The following CEP97 variants were observed in gnomAD, a reference collection of about 807,000 sequenced individuals.
CEP97 encodes centrosomal protein 97.
A neutral mutation model predicts 73.1 loss-of-function variants in CEP97; 43 were observed. The ratio of observed to expected loss-of-function variants is 0.59; its 90% confidence interval spans 0.46 to 0.76. CEP97 has a LOEUF of 0.76. Ranked by LOEUF, CEP97 falls within the 30% of genes least tolerant of loss-of-function variation. The pLI is 0.00. For synonymous variants in CEP97, 337 were observed against 370.0 expected (o/e 0.91, Z 1.02); for missense variants, 939 against 1,014.0 (o/e 0.93, Z 1.00).
At position 101,758,173 on chromosome 3, in the gene CEP97, C is replaced by T. The variant is rs1939070875; in HGVS notation, c.1567C>T (p.Pro523Ser). The T allele has an allele frequency of 6.2e-7, 1 of 1,613,202 alleles. No homozygotes were observed. The highest frequency in any genetic ancestry group is 8.5e-7 in the Non-Finnish European group (1 of 1,179,878). The change falls in exon 9 of 11, where the codon CCA (proline) becomes TCA (serine). Residue 523 changes from proline to serine, a missense_variant. By Grantham distance (74) the Pro-to-Ser change is moderately conservative (BLOSUM62 -1). Transcript: ENST00000341893. ...CATAAAGAAACCAGAAAATACACAA[C>T]CAGAAAATAAAGAAACCATATCTCA... ...SDIKKPENTQ[P>S]ENKETISQAT...
chr3:101,726,191 A>C (rs1937882535), intron 1 of CEP97, among the ~76,000 whole-genome samples: 1 of 152,224 alleles, frequency 6.6e-6, no homozygotes, highest in Non-Finnish European at 1.5e-5. Flanking sequence ...TGATTTTCAA[A>C]ATCACAGTTT....
In CEP97 at chr3:101,768,969, C is replaced by T. The variant is rs1001910486; in HGVS notation, c.*3418C>T. 5 of 152,056 alleles carry T rather than the reference C, an allele frequency of 3.3e-5. No homozygotes were observed. Among genetic ancestry groups the T allele is most frequent in the Non-Finnish European group, 5.9e-5 (4 of 68,006 alleles). 9.4% of individuals were successfully genotyped at this position (152,056 alleles called of 1,614,324 possible). ...ATGTTCATTTATTTAGTCATATAAT[C>T]GTTTGTATATATGTAAATAACTTTA... On this transcript the variant is annotated 3_prime_UTR_variant, in exon 11 of 11. Coordinates refer to ENST00000341893, the MANE Select transcript of CEP97 (RefSeq NM_024548.4).
At chr3:101,738,077 C>T (rs1478236261) in intron 6 of CEP97, among the ~76,000 whole-genome samples, 1 of 133,450 alleles carries the variant, frequency 7.5e-6, no homozygotes, top group Non-Finnish European at 1.6e-5. Flanking sequence ...AGACTTTAAA[C>T]CAACATATAT....
rs1938064515 is a variant in CEP97, at chr3:101,730,283, T to C, written c.447+1346T>C. ...TTTGTTTTGTTTTGTTTTGTTTTGT[T>C]GAGACGGAGTTTTGCTCTGTTGCCC... On this transcript the variant is annotated intron_variant, in intron 4 of 10. Coordinates refer to ENST00000341893, the MANE Select transcript of CEP97 (RefSeq NM_024548.4). Among the ~76,000 whole-genome samples, 4 of 148,592 alleles carry C rather than the reference T, an allele frequency of 2.7e-5. No homozygotes were observed. The South Asian group carries it at 8.5e-4, about 31-fold the overall frequency.
rs1937819655 is a variant in CEP97 at position 101,724,712 on chromosome 3, C to T, written c.36C>T (p.Pro12=). The T allele has an allele frequency of 1.9e-6, 3 of 1,614,202 alleles. No individual in the cohort carries two copies. Among genetic ancestry groups the T allele is most frequent in the Non-Finnish European group, 2.5e-6 (3 of 1,180,018 alleles). The change falls in exon 1 of 11, where the codon CCC becomes CCT. Residue 12 remains proline, a synonymous_variant. Transcript: ENST00000341893. ...CGCGCGTGGACGCGGCTTTGCCTCCCGGAGAAGGTAAGGCGATCCCTACCC... is the reference window on the plus strand; with the variant it reads ...CGCGCGTGGACGCGGCTTTGCCTCCTGGAGAAGGTAAGGCGATCCCTACCC... The part of the protein sequence containing the change: ...AVARVDAALP[P]GEGSVVNWSG...
chr3:101,730,750 G>C (rs146422295), intron 4 of CEP97, among the ~76,000 whole-genome samples: 2 of 152,106 alleles, frequency 1.3e-5, no homozygotes, highest in Admixed American at 6.6e-5. Flanking sequence ...TGAAAAACAT[G>C]TAGAACATTT....
intron 6 of CEP97, among the ~76,000 whole-genome samples, chr3:101,741,488 G>A (rs1221098947): frequency 1.3e-5 from 2 of 152,104 alleles, no homozygotes; most frequent in Admixed American, 1.3e-4. Flanking sequence ...GCAACCTACA[G>A]AATGGGAGAA....
intron 6 of CEP97, among the ~76,000 whole-genome samples, chr3:101,735,280 C>T (rs1168210680): frequency 6.6e-6 from 1 of 152,174 alleles, no homozygotes; most frequent in Admixed American, 6.5e-5. Flanking sequence ...GAGCTTTCTC[C>T]ATAATGCTTT....
chr3:101,737,736 A>G (rs1000938534), intron 6 of CEP97, among the ~76,000 whole-genome samples: 5 of 152,242 alleles, frequency 3.3e-5, no homozygotes, highest in Non-Finnish European at 4.4e-5. Context: ...CTGCAAAAAC[A>G]TACCAAATTG....
chr3:101,738,700 T>C (rs1938357266), intron 6 of CEP97, among the ~76,000 whole-genome samples: 1 of 152,058 alleles, frequency 6.6e-6, no homozygotes. Context: ...TAGAGGGAAA[T>C]TTATAGCACC....
rs140751787 is a variant in CEP97, at chr3:101,768,841, T to A, written c.*3290T>A. ...ACAGATGTTAAAATGTTAACTCTCC[T>A]GGTGTGCAGAAAGCTGTAATCATGA... On this transcript the variant is annotated 3_prime_UTR_variant, in exon 11 of 11. Transcript: ENST00000341893. The A allele has an allele frequency of 6.6e-6, 1 of 152,356 alleles. No homozygotes were observed. Among genetic ancestry groups the A allele is most frequent in the East Asian group, 1.9e-4 (1 of 5,194 alleles). The allele number at this position is 152,356 out of a possible 1,614,324, so 9.4% of individuals were successfully genotyped here.
At chr3:101,751,591 G>A (rs959447314) in intron 6 of CEP97, among the ~76,000 whole-genome samples, 13 of 152,148 alleles carry the variant, frequency 8.5e-5, no homozygotes, top group Non-Finnish European at 1.6e-4. Context: ...ATGAATCTGG[G>A]TGCTCCTGTA....
At chr3:101,760,713 A>G (rs568414324) in intron 9 of CEP97, among the ~76,000 whole-genome samples, 85 of 151,822 alleles carry the variant, frequency 5.6e-4, no homozygotes, top group Non-Finnish European at 1.1e-3. Context: ...AGCTAATTAA[A>G]AAAAATTTTT....
intron 6 of CEP97, among the ~76,000 whole-genome samples, chr3:101,742,046 A>AG (rs1938474006): frequency 7.3e-6 from 1 of 137,842 alleles, no homozygotes; most frequent in Non-Finnish European, 1.6e-5. Flanking sequence ...CGTCTCAAAA[A>AG]AAAAAAAACA....
chr3:101,754,029 C>G (rs1576694941), intron 6 of CEP97, among the ~76,000 whole-genome samples: 1 of 141,034 alleles, frequency 7.1e-6, no homozygotes, highest in East Asian at 2.3e-4. Context: ...CGGAGCTGTT[C>G]CTATTTGGCC....
At chr3:101,756,179 C>T (rs1284796602) in intron 7 of CEP97, among the ~76,000 whole-genome samples, 2 of 150,910 alleles carry the variant, frequency 1.3e-5, no homozygotes, top group Admixed American at 1.3e-4. Flanking sequence ...CGGGTCTAAG[C>T]CTCCTGAGTA....
chr3:101,739,634 G>T (rs1202689448), intron 6 of CEP97, among the ~76,000 whole-genome samples: 2 of 152,020 alleles, frequency 1.3e-5, no homozygotes, highest in East Asian at 1.9e-4. Context: ...CTGGCGGGGC[G>T]CAGTGGCTCA....
chr3:101,732,504 C>A lies in CEP97; in HGVS notation c.578C>A (p.Ser193Tyr). 6.2e-7 allele frequency: 1 copy of A among 1,605,634 alleles called. No individual in the cohort carries two copies. Among genetic ancestry groups the A allele is most frequent in the Non-Finnish European group, 8.5e-7 (1 of 1,174,824 alleles). The stretch of plus-strand genomic sequence containing the variant: ...TTGTTCCAGATCTCTTTTTTGGCAT[C>A]CTTAACTGAATTGGAACAGTTGTCG... ...RDLNEISFLASLTELEQLSIM... is the reference protein window; with the variant it reads ...RDLNEISFLAYLTELEQLSIM... The change falls in exon 6 of 11, where the codon TCC becomes TAC. Residue 193 changes from serine (S) to tyrosine (Y), a missense_variant. By Grantham distance (144) the Ser-to-Tyr change is moderately radical (BLOSUM62 -2). Coordinates refer to ENST00000341893, the MANE Select transcript of CEP97 (RefSeq NM_024548.4).
chr3:101,736,314 A>T (rs1031441442), intron 6 of CEP97, among the ~76,000 whole-genome samples: 20 of 152,160 alleles, frequency 1.3e-4, no homozygotes, highest in Admixed American at 2.6e-4. Context: ...TCTGTAAGAG[A>T]GCGATGGATC....
Sources: gnomAD v4.1 joint callset for allele counts (sites outside exome capture counted in the v4.1 genomes callset) on GRCh38, gnomAD v4.1.1 for gene constraint, MANE v1.5 for transcripts, NCBI Gene and HGNC (gene_info 2026-07-23, HGNC 2026-07-21) for gene names.